The following PLCG2 variants were observed in gnomAD, a reference collection of about 807,000 sequenced individuals.
PLCG2 encodes the protein 1-phosphatidylinositol 4,5-bisphosphate phosphodiesterase gamma-2.
A neutral mutation model predicts 175.6 loss-of-function variants in PLCG2; 69 were observed. That is an observed-to-expected ratio of 0.39 (90% CI 0.32 to 0.48). The LOEUF is 0.48. PLCG2 is among the 20% of genes least tolerant of loss of function. The pLI is 0.91. For missense variants in PLCG2, 1,798 were observed against 1,650.9 expected, an observed-to-expected ratio of 1.09 and a Z score of -1.54; for synonymous variants, 827 against 624.0, an observed-to-expected ratio of 1.33 and a Z score of -4.85.
At position 81,960,971 on chromosome 16, in the gene PLCG2, C is replaced by G. The variant is rs1170372440; in HGVS notation, c.*2973C>G. On this transcript the variant is annotated 3_prime_UTR_variant, in exon 33 of 33. Coordinates refer to ENST00000564138, the MANE Select transcript of PLCG2 (RefSeq NM_002661.5). The stretch of plus-strand genomic sequence containing the variant: ...AAAGAAAATATGGCTGTCTCCACCT[C>G]TAGTCTTACTGTAGAGCATGTCCCA... The G allele has an allele frequency of 2.6e-5, 6 of 229,670 alleles. No individual in the cohort carries two copies. The allele number at this position is 229,670 out of a possible 1,614,324, so 14.2% of individuals were successfully genotyped here.
At chr16:81,905,549 C>A (rs775615381) in intron 15 of PLCG2, 42 bp downstream of exon 15, 3 of 1,267,152 alleles carry the variant, frequency 2.4e-6, no homozygotes, top group Non-Finnish European at 3.5e-6. Context: ...GGCCACGCCC[C>A]TTGCAGCTGC....
At chr16:81,942,264 C>G (rs930077706) in intron 30 of PLCG2, among the ~76,000 whole-genome samples, 3 of 152,134 alleles carry the variant, frequency 2.0e-5, no homozygotes, top group African/African-American at 7.2e-5. Context: ...ACCTCGTTAC[C>G]TTAATGGGCA....
intron 13 of PLCG2, among the ~76,000 whole-genome samples, chr16:81,900,002 T>C (rs1487083587): frequency 6.6e-6 from 1 of 152,148 alleles, no homozygotes; most frequent in Non-Finnish European, 1.5e-5. Flanking sequence ...ATAACCCCAA[T>C]AGATAAGAAA....
chr16:81,849,943 C>G (rs532438319), intron 2 of PLCG2, among the ~76,000 whole-genome samples: 8 of 152,278 alleles, frequency 5.3e-5, no homozygotes, highest in African/African-American at 1.9e-4. Context: ...GAAAACAAAC[C>G]TTAATACCTT....
intron 2 of PLCG2, among the ~76,000 whole-genome samples, chr16:81,791,463 C>T (rs1911227890): frequency 6.6e-6 from 1 of 152,174 alleles, no homozygotes; most frequent in African/African-American, 2.4e-5. Context: ...GTAGCCTGGA[C>T]TGAGGTCATT....
chr16:81,906,621 G>A (rs1022877327), intron 15 of PLCG2, among the ~76,000 whole-genome samples: 36 of 152,052 alleles, frequency 2.4e-4, no homozygotes, highest in Admixed American at 5.2e-4. Context: ...ATAGTGTTTC[G>A]CCATGTTGGC....
intron 12 of PLCG2, chr16:81,895,585 G>T (rs947734404): frequency 2.2e-6 from 1 of 464,520 alleles, no homozygotes; most frequent in African/African-American, 2.0e-5. Context: ...GAAAAAAAAA[G>T]CAGCATTGAA....
At chr16:81,771,159 A>C (rs1910272838) in intron 2 of PLCG2, among the ~76,000 whole-genome samples, 1 of 152,238 alleles carries the variant, frequency 6.6e-6, no homozygotes, top group African/African-American at 2.4e-5. Flanking sequence ...CACAAGATCA[A>C]AACCTAGAAC....
intron 2 of PLCG2, among the ~76,000 whole-genome samples, chr16:81,810,267 G>C (rs1904306088): frequency 6.6e-6 from 1 of 152,190 alleles, no homozygotes; most frequent in Admixed American, 6.5e-5. Context: ...ATTACGGTGT[G>C]AGCCACCGTG....
chr16:81,800,444 T>C (rs1035727178), intron 2 of PLCG2, among the ~76,000 whole-genome samples: 3 of 152,164 alleles, frequency 2.0e-5, no homozygotes, highest in African/African-American at 7.2e-5. Context: ...CAGCTCCCAC[T>C]TATGATTGAG....
intron 2 of PLCG2, among the ~76,000 whole-genome samples, chr16:81,773,113 A>G (rs576268581): frequency 1.8e-4 from 28 of 152,314 alleles, no homozygotes; most frequent in African/African-American, 6.7e-4. Context: ...GAGGCAGAGC[A>G]GGCTTTGTGA....
In PLCG2 at chr16:81,854,544, C is replaced by T; in HGVS notation, c.294C>T (p.Ile98=). ...VRQKEDCCFT[I]LYGTQFVLST... ...AGAAAGAAGACTGCTGCTTCACCATCCTATATGGCACTCAGTTCGTCCTCA... is the reference window on the plus strand; with the variant it reads ...AGAAAGAAGACTGCTGCTTCACCATTCTATATGGCACTCAGTTCGTCCTCA... The change falls in exon 3 of 33, where the codon ATC becomes ATT. Residue 98 remains isoleucine (I), a synonymous_variant. Transcript: ENST00000564138. 6.2e-7 allele frequency: 1 copy of T among 1,614,002 alleles called. No individual in the cohort carries two copies. Among genetic ancestry groups the T allele is most frequent in the Non-Finnish European group, 8.5e-7 (1 of 1,179,834 alleles).
At position 81,926,395 on chromosome 16, in the gene PLCG2, C is replaced by T. The variant is rs74029305; in HGVS notation, c.2418-687C>T. Among the ~76,000 whole-genome samples the T allele has an allele frequency of 4.5e-3, 689 of 152,284 alleles. 6 individuals are homozygous for T. Among genetic ancestry groups the T allele is most frequent in the African/African-American group, 0.015 (638 of 41,556 alleles). On this transcript the variant is annotated intron_variant, in intron 22 of 32. Coordinates refer to ENST00000564138, the MANE Select transcript of PLCG2 (RefSeq NM_002661.5). ...AGGAGGGCGTTTGCATGTCTGGGCA[C>T]GGCCTTGCCGGGAGGAATCTTAGAG...
At chr16:81,869,134 G>A in intron 5 of PLCG2, 80 bp from the exon 6 acceptor site, 1 of 1,005,148 alleles carries the variant, frequency 9.9e-7, no homozygotes, top group African/African-American at 1.6e-5. Context: ...GCTGCCTGAG[G>A]TGGGAACTGA....
At chr16:81,794,961 T>C (rs1431534451) in intron 2 of PLCG2, among the ~76,000 whole-genome samples, 1 of 152,240 alleles carries the variant, frequency 6.6e-6, no homozygotes, top group Non-Finnish European at 1.5e-5. Context: ...GCCCTTCTCT[T>C]ATGCTGAATA....
intron 2 of PLCG2, among the ~76,000 whole-genome samples, chr16:81,812,553 G>A (rs1904364865): frequency 1.3e-5 from 2 of 152,224 alleles, no homozygotes; most frequent in Middle Eastern, 6.8e-3. Flanking sequence ...TTGTAAATTT[G>A]TTTAAGTTCT....
chr16:81,857,429 C>G (rs191461243), intron 3 of PLCG2, among the ~76,000 whole-genome samples: 2 of 152,156 alleles, frequency 1.3e-5, no homozygotes, highest in African/African-American at 4.8e-5. Flanking sequence ...GCTCTGGCTA[C>G]TGTAATGAAA....
intron 2 of PLCG2, among the ~76,000 whole-genome samples, chr16:81,828,520 G>A (rs542035267): frequency 6.6e-6 from 1 of 152,254 alleles, no homozygotes; most frequent in African/African-American, 2.4e-5. Context: ...TTACAGGCGT[G>A]AGCCACCGCA....
chr16:81,844,473 C>T (rs907824668), intron 2 of PLCG2, among the ~76,000 whole-genome samples: 1 of 152,104 alleles, frequency 6.6e-6, no homozygotes, highest in Non-Finnish European at 1.5e-5. Context: ...AGGTGCATGC[C>T]CCCATGCCCG....
Sources: gnomAD v4.1 joint callset for allele counts (sites outside exome capture counted in the v4.1 genomes callset) on GRCh38, gnomAD v4.1.1 for gene constraint, MANE v1.5 for transcripts, NCBI Gene and HGNC (gene_info 2026-07-23, HGNC 2026-07-21) for gene names.